The following CPNE9 variants were observed in gnomAD, a reference collection of about 807,000 sequenced individuals.
CPNE9 encodes copine family member 9.
Under a neutral mutation model 83.0 loss-of-function variants are expected in CPNE9, and 59 were observed. The ratio of observed to expected loss-of-function variants is 0.71; its 90% CI spans 0.58 to 0.88. CPNE9 has a LOEUF of 0.88. Among genes scored for constraint, CPNE9 ranks in the 40% least tolerant of loss-of-function variants. The pLI is 0.00. For synonymous variants in CPNE9, 256 were observed against 273.4 expected (o/e 0.94, Z 0.63); for missense variants, 619 against 720.8 (o/e 0.86, Z 1.62).
intron 17 of CPNE9, among the ~76,000 whole-genome samples, chr3:9,719,455 G>T (rs2076715760): frequency 6.6e-6 from 1 of 152,168 alleles, no homozygotes. Flanking sequence ...ATCTGAGTGG[G>T]ATCCTTCCTC....
chr3:9,724,649 T>C (rs955246676), intron 17 of CPNE9, among the ~76,000 whole-genome samples: 2 of 152,202 alleles, frequency 1.3e-5, no homozygotes, highest in Admixed American at 6.5e-5. Flanking sequence ...CCTCTTTCAT[T>C]TAGCCTTTCT....
intron 15 of CPNE9, among the ~76,000 whole-genome samples, chr3:9,717,406 T>C (rs1297511063): frequency 6.6e-6 from 1 of 152,164 alleles, no homozygotes; most frequent in Non-Finnish European, 1.5e-5. Flanking sequence ...CATAGATCCA[T>C]GAACAAATGG....
rs575775232 is a variant in CPNE9, at chr3:9,710,467, T to G, written c.378-2074T>G. 7.9e-5 allele frequency among the ~76,000 whole-genome samples: 12 copies of G among 152,148 alleles called. No individual in the cohort carries two copies. The East Asian group carries it at 2.3e-3, about 29-fold the overall frequency. ...CAAGGTCATTGGCTGAGAATGAGGATGGGGGAGGAGGCTTTAGGGGTTGAG... is the reference window on the plus strand; with the variant it reads ...CAAGGTCATTGGCTGAGAATGAGGAGGGGGGAGGAGGCTTTAGGGGTTGAG... On this transcript the variant is annotated intron_variant, in intron 7 of 20. Transcript: ENST00000383832.
At chr3:9,721,495 C>T (rs895660317) in intron 17 of CPNE9, among the ~76,000 whole-genome samples, 2 of 152,042 alleles carry the variant, frequency 1.3e-5, no homozygotes, top group African/African-American at 4.8e-5. Flanking sequence ...CAGTGAGAAC[C>T]CACTTAGAGG....
At chr3:9,708,719 G>A (rs537078379) in intron 7 of CPNE9, among the ~76,000 whole-genome samples, 30 of 150,988 alleles carry the variant, frequency 2.0e-4, no homozygotes, top group Non-Finnish European at 3.4e-4. Context: ...TGCAAGCTCC[G>A]CCTCCCGGGT....
At chr3:9,716,586 T>C (rs991159989) in intron 14 of CPNE9, among the ~76,000 whole-genome samples, 6 of 152,106 alleles carry the variant, frequency 3.9e-5, no homozygotes, top group African/African-American at 1.4e-4. Context: ...TTCTCCTGCC[T>C]CAGCCTCCCA....
intron 11 of CPNE9, 142 bp downstream of exon 11, chr3:9,715,097 G>A: frequency 1.1e-6 from 1 of 917,530 alleles, no homozygotes; most frequent in Non-Finnish European, 1.7e-6. Flanking sequence ...GGGTACAACT[G>A]ATCCCCCCAA....
At position 9,714,966 on chromosome 3, in the gene CPNE9, C is replaced by T. The variant is rs2076666769; in HGVS notation, c.692+11C>T. 2.5e-6 allele frequency: 4 copies of T among 1,611,544 alleles called. No homozygotes were observed. Among genetic ancestry groups the T allele is most frequent in the African/African-American group, 1.3e-5 (1 of 74,816 alleles). On this transcript the variant is annotated intron_variant, in intron 11 of 20. Coordinates refer to ENST00000383832, the MANE Select transcript of CPNE9 (RefSeq NM_153635.3). ...GGACCGGGATGGAAGGTAGAACTGC[C>T]CCACATGGTCCCTTCTCCTGTACTT...
At chr3:9,720,191 GATT>G (rs980054111) in intron 17 of CPNE9, among the ~76,000 whole-genome samples, 2 of 151,856 alleles carry the variant, frequency 1.3e-5, no homozygotes, top group African/African-American at 4.8e-5. Context: ...AAAAGAAAAA[GATT>G]ATTTGATTGA....
At chr3:9,726,143 G>C (rs1373688431) in intron 18 of CPNE9, 92 bp downstream of exon 18, 1 of 759,950 alleles carries the variant, frequency 1.3e-6, no homozygotes, top group Non-Finnish European at 2.1e-6. Context: ...TAACAAGTTA[G>C]CCTGCCAGTT....
chr3:9,712,383 T>C (rs923016679), intron 7 of CPNE9, among the ~76,000 whole-genome samples, 158 bp from the exon 8 acceptor site: 1 of 151,960 alleles, frequency 6.6e-6, no homozygotes, highest in African/African-American at 2.4e-5. Context: ...CCCCACCCAG[T>C]CAAAGTGAGG....
intron 7 of CPNE9, among the ~76,000 whole-genome samples, chr3:9,710,867 T>G (rs1340313216): frequency 1.3e-4 from 19 of 151,952 alleles, no homozygotes; most frequent in Admixed American, 1.2e-3. Flanking sequence ...TCTAAAAAAG[T>G]AAAAATTTTA....
At chr3:9,718,342 G>A (rs1234712551) in intron 16 of CPNE9, 132 bp downstream of exon 16, 3 of 1,393,828 alleles carry the variant, frequency 2.2e-6, no homozygotes, top group Non-Finnish European at 2.0e-6. Context: ...AGCAGAGCAG[G>A]GAGGGGAGCA....
chr3:9,728,296 T>C (rs2076801115), intron 20 of CPNE9, among the ~76,000 whole-genome samples: 1 of 152,166 alleles, frequency 6.6e-6, no homozygotes, highest in African/African-American at 2.4e-5. Flanking sequence ...GAGACCAGCC[T>C]GGACAACATA....
chr3:9,712,189 A>G (rs1308206605), intron 7 of CPNE9, among the ~76,000 whole-genome samples: 1 of 152,150 alleles, frequency 6.6e-6, no homozygotes, highest in African/African-American at 2.4e-5. Context: ...CAGCCCTGAC[A>G]AGTCATCATG....
At chr3:9,717,191 A>T in intron 15 of CPNE9, 87 bp downstream of exon 15, 3 of 1,434,808 alleles carry the variant, frequency 2.1e-6, no homozygotes, top group East Asian at 4.6e-5. Flanking sequence ...CTACCTAGAG[A>T]TAAGAGTTTA....
Position 9,704,677 on chromosome 3 carries a change from CAG to C in CPNE9, c.109+51_109+52del, listed in dbSNP as rs1416005883. The stretch of plus-strand genomic sequence containing the variant: ...GGGAACTTGGGGTCTGGGCGCGACT[CAG>C]GGGCGGGTGGAGTCGGGGCCAGGGG... On this transcript the variant is annotated intron_variant, in intron 2 of 20. Transcript: ENST00000383832. The surrounding 1 kb of genome is among the most constrained non-coding windows in gnomAD (Gnocchi z 7.1). The C allele has an allele frequency of 5.0e-6, 8 of 1,611,486 alleles. No homozygotes were observed. The highest frequency in any genetic ancestry group is 1.7e-4 in the Middle Eastern group (1 of 6,030).
In CPNE9 at chr3:9,706,054, G is replaced by A. The variant is rs772278173; in HGVS notation, c.368G>A (p.Arg123Gln). 35 of 1,613,266 alleles carry A rather than the reference G, an allele frequency of 2.2e-5. No individual in the cohort carries two copies. Among genetic ancestry groups the A allele is most frequent in the African/African-American group, 9.3e-5 (7 of 74,872 alleles). Residue 123 changes from arginine (R) to glutamine (Q), a missense_variant, in exon 7 of 21, where the codon CGA becomes CAA. Coordinates refer to ENST00000383832, the MANE Select transcript of CPNE9 (RefSeq NM_153635.3). ...VIGGQGSRVE[R>Q]TLTGVPGKKC... The stretch of plus-strand genomic sequence containing the variant: ...GGAGGCCAGGGCAGCCGAGTAGAGC[G>A]AACCCTCACGTAAGCTGAATAGGAA...
At chr3:9,723,234 G>C (rs1382718861) in intron 17 of CPNE9, among the ~76,000 whole-genome samples, 1 of 152,204 alleles carries the variant, frequency 6.6e-6, no homozygotes, top group Non-Finnish European at 1.5e-5. Flanking sequence ...CACTTTGGGA[G>C]GCCGAGGCGG....
Sources: allele counts gnomAD v4.1 joint callset (sites outside exome capture counted in the v4.1 genomes callset), GRCh38; gene constraint gnomAD v4.1.1; non-coding constraint Gnocchi (gnomAD v3.1); transcripts MANE v1.5; gene names NCBI Gene and HGNC (gene_info 2026-07-23, HGNC 2026-07-21).